Variants in PSME3IP1 observed in about 807,000 individuals in gnomAD.
PSME3IP1 encodes PSME3-interacting protein.
A neutral mutation model predicts 34.1 loss-of-function variants in PSME3IP1; 13 were observed. The observed-to-expected ratio is 0.38, with a 90% CI of 0.25 to 0.61. The LOEUF is 0.61. Ranked by LOEUF, PSME3IP1 falls within the 20% of genes least tolerant of loss-of-function variation. The probability of loss-of-function intolerance (pLI) is 0.60; values close to 1 mark genes in which losing one functional copy is unlikely to be tolerated. For missense variants in PSME3IP1, 237 were observed against 301.4 expected, an observed-to-expected ratio of 0.79 and a Z score of 1.58; for synonymous variants, 93 against 114.3, an observed-to-expected ratio of 0.81 and a Z score of 1.19.
chr16:57,167,899 T>A (rs2072083710), intron 4 of PSME3IP1, among the ~76,000 whole-genome samples: 1 of 152,234 alleles, frequency 6.6e-6, no homozygotes, highest in South Asian at 2.1e-4. Context: ...ATACAAGAAC[T>A]GAAAAGCTAT....
At chr16:57,182,518 G>C (rs2145999076) in intron 1 of PSME3IP1, among the ~76,000 whole-genome samples, 1 of 129,074 alleles carries the variant, frequency 7.7e-6, no homozygotes, top group East Asian at 2.4e-4. Flanking sequence ...TTCAAGGCCA[G>C]CCCGGGCAAC....
intron 6 of PSME3IP1, among the ~76,000 whole-genome samples, chr16:57,161,761 C>T (rs2071269923): frequency 6.6e-6 from 1 of 152,146 alleles, no homozygotes; most frequent in African/African-American, 2.4e-5. Context: ...ATTCACCCGC[C>T]TCGGCTCCCA....
intron 1 of PSME3IP1, among the ~76,000 whole-genome samples, chr16:57,182,349 G>A (rs1232097168): frequency 6.6e-6 from 1 of 151,222 alleles, no homozygotes; most frequent in Non-Finnish European, 1.5e-5. Context: ...ATCTAGGCTC[G>A]CTTCAGAACC....
At chr16:57,181,223 A>G (rs2073681131) in intron 1 of PSME3IP1, among the ~76,000 whole-genome samples, 1 of 152,208 alleles carries the variant, frequency 6.6e-6, no homozygotes. Flanking sequence ...CTCTCTGAAT[A>G]TAAATACTTC....
intron 4 of PSME3IP1, 120 bp from the exon 5 acceptor site, chr16:57,167,346 CT>C (rs1427899479): frequency 9.0e-7 from 1 of 1,115,748 alleles, no homozygotes; most frequent in Non-Finnish European, 1.3e-6. Flanking sequence ...CCCCACCCTT[CT>C]TTATTCTGCC....
Position 57,172,804 on chromosome 16 carries a change from C to T in PSME3IP1, c.198G>A (p.Gln66=), listed in dbSNP as rs762119081. ...ERLQEQKDRK[Q]QEYEEQFKFK... ...ATTTGAACTGTTCCTCGTACTCCTG[C>T]TGCTTCCTGTCCTTCTGTTCCTGTA... is the stretch of plus-strand genomic sequence containing the variant. Residue 66 remains glutamine (Q), a synonymous_variant, in exon 3 of 7, where the codon CAG becomes CAA. Transcript: ENST00000309137. 5 of 1,613,590 alleles carry T rather than the reference C, an allele frequency of 3.1e-6. No homozygotes were observed. The South Asian group carries it at 5.5e-5, about 18-fold the overall frequency.
At chr16:57,178,876 C>A (rs765983065) in intron 1 of PSME3IP1, 1 of 860,466 alleles carries the variant, frequency 1.2e-6, no homozygotes, top group Non-Finnish European at 1.4e-6. Context: ...GTGATAAGTA[C>A]CTGTAACTTA....
At chr16:57,157,101 A>C (rs564021225) in intron 6 of PSME3IP1, among the ~76,000 whole-genome samples, 130 of 152,262 alleles carry the variant, frequency 8.5e-4, no homozygotes, top group African/African-American at 3.1e-3. Flanking sequence ...TGAGCCCAGG[A>C]GTTTGAGAAC....
intron 4 of PSME3IP1, 167 bp from the exon 5 acceptor site, chr16:57,167,393 G>C: frequency 2.5e-6 from 2 of 790,012 alleles, no homozygotes; most frequent in East Asian, 5.3e-5. Flanking sequence ...AAATGAAAGA[G>C]ACCATGGAGG....
At chr16:57,156,658 T>C (rs2070568121) in intron 6 of PSME3IP1, among the ~76,000 whole-genome samples, 1 of 152,176 alleles carries the variant, frequency 6.6e-6, no homozygotes, top group South Asian at 2.1e-4. Context: ...ATACTTGTAC[T>C]ATCATAAAAG....
At chr16:57,166,716 T>A (rs975539118) in intron 5 of PSME3IP1, among the ~76,000 whole-genome samples, 1 of 152,250 alleles carries the variant, frequency 6.6e-6, no homozygotes, top group Non-Finnish European at 1.5e-5. Context: ...TGTTTCTCTA[T>A]GATCTTGCAC....
intron 6 of PSME3IP1, among the ~76,000 whole-genome samples, chr16:57,157,313 CAAA>C (rs751911757): frequency 2.0e-4 from 15 of 76,840 alleles, no homozygotes; most frequent in African/African-American, 5.2e-4. Flanking sequence ...AACCTATCTC[CAAA>C]AAAAAAAAAA....
intron 1 of PSME3IP1, 181 bp from the exon 2 acceptor site, chr16:57,174,050 C>G: frequency 1.8e-6 from 1 of 568,262 alleles, no homozygotes; most frequent in Non-Finnish European, 3.0e-6. Context: ...AATCCTGGCA[C>G]TTTGGGAGGC....
Position 57,154,319 on chromosome 16 carries a change from G to C in PSME3IP1, c.736C>G (p.Arg246Gly). 6.2e-7 allele frequency: 1 copy of C among 1,614,032 alleles called. No individual in the cohort carries two copies. Among genetic ancestry groups the C allele is most frequent in the Non-Finnish European group, 8.5e-7 (1 of 1,180,008 alleles). The change falls in exon 7 of 7, where the codon CGA (arginine) becomes GGA (glycine). Residue 246 changes from arginine to glycine, a missense_variant. By Grantham distance (125) the Arg-to-Gly change is moderately radical. Transcript: ENST00000309137. The surrounding 1 kb of genome is among the most constrained non-coding windows in gnomAD (Gnocchi z 4.0). ...GGGGCCTCGAGGAAGGTGTTGGTTC[G>C]GAAGATGGAGGAGACAATCTTTCCG... The part of the protein sequence containing the change: ...ATGKIVSSIF[R>G]TNTFLEAP
intron 1 of PSME3IP1, chr16:57,174,294 A>G (rs2072961670): frequency 9.4e-6 from 2 of 212,608 alleles, no homozygotes; most frequent in Non-Finnish European, 1.3e-5. Context: ...ATTCTGTCTC[A>G]AAAAAAAAAA....
chr16:57,183,115 CA>C (rs2073881843), intron 1 of PSME3IP1, among the ~76,000 whole-genome samples: 3 of 152,106 alleles, frequency 2.0e-5, no homozygotes, highest in African/African-American at 7.2e-5. Flanking sequence ...CTAGAATAAG[CA>C]TTGGGGAAGC....
intron 1 of PSME3IP1, 29 bp from the exon 2 acceptor site, chr16:57,173,898 AT>A (rs1567426057): frequency 2.5e-6 from 4 of 1,601,134 alleles, no homozygotes; most frequent in Admixed American, 1.7e-5. Flanking sequence ...AACAAAAAAA[AT>A]CATTTCAAGT....
intron 6 of PSME3IP1, among the ~76,000 whole-genome samples, chr16:57,157,693 G>A (rs1322733712): frequency 2.6e-5 from 4 of 151,038 alleles, no homozygotes; most frequent in Non-Finnish European, 5.9e-5. Context: ...TGATGTTCCC[G>A]CCTCAGCCTC....
At chr16:57,184,502 A>G (rs1431821872) in intron 1 of PSME3IP1, among the ~76,000 whole-genome samples, 3 of 152,252 alleles carry the variant, frequency 2.0e-5, no homozygotes, top group Admixed American at 2.0e-4. Context: ...TATAGTAAAG[A>G]GTGAAACATA....
Sources: allele counts gnomAD v4.1 joint callset (sites outside exome capture counted in the v4.1 genomes callset), GRCh38; gene constraint gnomAD v4.1.1; non-coding constraint Gnocchi (gnomAD v3.1); transcripts MANE v1.5; gene names NCBI Gene and HGNC (gene_info 2026-07-23, HGNC 2026-07-21).